The following ACACA variants were observed in gnomAD, a reference collection of about 807,000 sequenced individuals.
The protein encoded by ACACA is acetyl-CoA carboxylase 1.
ACACA carries 103 observed loss-of-function variants against 296.1 expected under a neutral mutation model. The observed-to-expected ratio is 0.35, with a 90% CI of 0.30 to 0.41. The LOEUF is 0.41. Ranked by LOEUF, ACACA falls within the 10% of genes least tolerant of loss-of-function variation. The pLI is 1.00. For missense variants in ACACA, 1,554 were observed against 2,989.7 expected (o/e 0.52, Z 11.20); for synonymous variants, 953 against 1,038.6 (o/e 0.92, Z 1.58).
At chr17:37,181,098 T>C (rs1567773806) in intron 40 of ACACA, 103 bp downstream of exon 40, 3 of 1,206,678 alleles carry the variant, frequency 2.5e-6, no homozygotes, top group East Asian at 2.3e-5. Context: ...AGATATTTCT[T>C]GCCCTTTGGA....
chr17:37,368,332 G>C (rs146143726), intron 1 of ACACA, among the ~76,000 whole-genome samples: 62 of 151,730 alleles, frequency 4.1e-4, no homozygotes, highest in Admixed American at 3.3e-3. Flanking sequence ...TATAATCCCA[G>C]AACTTTGGGA....
At chr17:37,361,910 A>C (rs1335246701) in intron 1 of ACACA, among the ~76,000 whole-genome samples, 1 of 152,220 alleles carries the variant, frequency 6.6e-6, no homozygotes, top group Non-Finnish European at 1.5e-5. Context: ...TTATGGGCTG[A>C]ATTGTATCCC....
intron 41 of ACACA, chr17:37,162,673 C>A: frequency 3.5e-6 from 1 of 285,358 alleles, no homozygotes; most frequent in South Asian, 3.4e-5. Flanking sequence ...CCTGCCCACC[C>A]CCAAATGCCA....
chr17:37,372,199 G>A (rs1357256694), intron 1 of ACACA, among the ~76,000 whole-genome samples: 3 of 152,106 alleles, frequency 2.0e-5, no homozygotes, highest in Non-Finnish European at 4.4e-5. Flanking sequence ...GGATCACGAG[G>A]TCAGGAGATC....
At chr17:37,233,998 C>A (rs2145839495) in intron 25 of ACACA, among the ~76,000 whole-genome samples, 1 of 152,278 alleles carries the variant, frequency 6.6e-6, no homozygotes, top group Non-Finnish European at 1.5e-5. Context: ...ATGAGTGGCA[C>A]TCTTGTTAAT....
chr17:37,373,318 G>A (rs2049874052), intron 1 of ACACA, among the ~76,000 whole-genome samples: 1 of 151,836 alleles, frequency 6.6e-6, no homozygotes, highest in African/African-American at 2.4e-5. Context: ...TGTGCTGTTG[G>A]CTCACCACAA....
chr17:37,339,888 T>TA, intron 1 of ACACA, 38 bp from the exon 2 acceptor site: 1 of 1,077,728 alleles, frequency 9.3e-7, no homozygotes, highest in South Asian at 1.3e-5. Context: ...TTTTTTTTTT[T>TA]AAGAAACAAA....
At chr17:37,276,159 C>T (rs1053008284) in intron 7 of ACACA, 110 bp from the exon 8 acceptor site, 2 of 784,496 alleles carry the variant, frequency 2.5e-6, no homozygotes, top group Non-Finnish European at 4.5e-6. Context: ...GTCCTCCCCC[C>T]ACCCCTCACA....
At chr17:37,397,613 G>GT (rs2051122784) in intron 1 of ACACA, among the ~76,000 whole-genome samples, 1 of 152,004 alleles carries the variant, frequency 6.6e-6, no homozygotes, top group Non-Finnish European at 1.5e-5. Flanking sequence ...TTCATCATCT[G>GT]TTCCTTTTTC....
chr17:37,234,842 C>T, intron 25 of ACACA, 133 bp downstream of exon 25: 1 of 1,013,724 alleles, frequency 9.9e-7, no homozygotes, highest in African/African-American at 1.6e-5. Flanking sequence ...TGTTAATCCA[C>T]AGCTCAAGCC....
chr17:37,281,058 CTTTT>C (rs34828277), intron 5 of ACACA, among the ~76,000 whole-genome samples: 2 of 136,942 alleles, frequency 1.5e-5, no homozygotes, highest in Admixed American at 7.5e-5. Flanking sequence ...GTCTTTCTCT[CTTTT>C]TTTTTTTTTT....
In ACACA at chr17:37,393,338, GA is replaced by G. The variant is rs539709678; in HGVS notation, c.38+12923del. The stretch of plus-strand genomic sequence containing the variant: ...ACTTAGTTTGACAATAAAATAGGAA[GA>G]AAAAAAATGCCTGCTCTTTCCCAAG... On this transcript the variant is annotated intron_variant, in intron 1 of 55. Transcript: ENST00000616317. Among the ~76,000 whole-genome samples the G allele has an allele frequency of 2.2e-3, 332 of 151,602 alleles. 1 individual carries two copies. Among genetic ancestry groups the G allele is most frequent in the African/African-American group, 7.6e-3 (316 of 41,352 alleles).
At chr17:37,354,493 G>A (rs529385338) in intron 1 of ACACA, among the ~76,000 whole-genome samples, 2 of 152,272 alleles carry the variant, frequency 1.3e-5, no homozygotes, top group South Asian at 4.1e-4. Context: ...AAGAATTAAT[G>A]CCATATCAAT....
chr17:37,328,963 G>A (rs982861775), intron 3 of ACACA: 1 of 398,576 alleles, frequency 2.5e-6, no homozygotes, highest in Non-Finnish European at 4.4e-6. Flanking sequence ...AAGAACCACT[G>A]ATCCAGACCT....
At chr17:37,203,481 C>T (rs911976931) in intron 33 of ACACA, among the ~76,000 whole-genome samples, 1 of 151,846 alleles carries the variant, frequency 6.6e-6, no homozygotes, top group African/African-American at 2.4e-5. Context: ...CAGTGGCTCA[C>T]GCTTGTAATC....
chr17:37,401,412 C>T (rs853333), intron 1 of ACACA, among the ~76,000 whole-genome samples: 19,195 of 151,646 alleles, frequency 0.13, 1,416 homozygotes, highest in East Asian at 0.25. Context: ...CGGCTGGTCT[C>T]GAACTCCTGA....
chr17:37,154,056 C>A (rs1452532433), intron 43 of ACACA, among the ~76,000 whole-genome samples: 1 of 152,064 alleles, frequency 6.6e-6, no homozygotes, highest in Non-Finnish European at 1.5e-5. Flanking sequence ...CCTGTCATTG[C>A]AGCTACTTCA....
chr17:37,313,463 A>G (rs546928446), intron 3 of ACACA, among the ~76,000 whole-genome samples: 1 of 152,344 alleles, frequency 6.6e-6, no homozygotes, highest in African/African-American at 2.4e-5. Flanking sequence ...TAAGGAGCTC[A>G]AACAACTCAA....
chr17:37,216,167 ATG>A (rs1209167119), intron 29 of ACACA, among the ~76,000 whole-genome samples: 4 of 85,470 alleles, frequency 4.7e-5, no homozygotes, highest in African/African-American at 2.2e-4. Context: ...CAACATACAC[ATG>A]TTACATATAC....
Sources: allele counts gnomAD v4.1 joint callset (sites outside exome capture counted in the v4.1 genomes callset), GRCh38; gene constraint gnomAD v4.1.1; transcripts MANE v1.5; gene names NCBI Gene and HGNC (gene_info 2026-07-23, HGNC 2026-07-21).